The following PSTPIP1 variants were observed in gnomAD, a reference collection of about 807,000 sequenced individuals.
The protein encoded by PSTPIP1 is proline-serine-threonine phosphatase-interacting protein 1.
PSTPIP1 carries 66 observed loss-of-function variants against 69.6 expected under a neutral mutation model. The ratio of observed to expected loss-of-function variants is 0.95; its 90% CI spans 0.78 to 1.16. The LOEUF is 1.16. Ranked by LOEUF, PSTPIP1 falls within the 50% of genes most tolerant of loss-of-function variation. PSTPIP1 has a pLI of 0.00. For missense variants in PSTPIP1, 603 were observed against 557.4 expected (o/e 1.08, Z -0.82); for synonymous variants, 266 against 222.7 (o/e 1.19, Z -1.73).
rs2076440871 is a variant in PSTPIP1, at chr15:77,032,377, C to T, written c.821C>T (p.Thr274Met). ...DIDSFIQAKS[T>M]GTEPPAPVPY... ...GACAGTTTCATCCAGGCCAAGAGCA[C>T]GGGCACAGAGCCCCCCGGTGAGGTC... The change falls in exon 11 of 15, where the codon ACG becomes ATG. Residue 274 changes from threonine to methionine, a missense_variant. By Grantham distance (81) the Thr-to-Met change is moderately conservative. Coordinates refer to ENST00000558012, the MANE Select transcript of PSTPIP1 (RefSeq NM_003978.5). 6.2e-6 allele frequency: 10 copies of T among 1,612,664 alleles called. No homozygotes were observed. The highest frequency in any genetic ancestry group is 2.2e-5 in the East Asian group (1 of 44,886).
chr15:77,033,977 A>C (rs1389340093), intron 12 of PSTPIP1, among the ~76,000 whole-genome samples: 1 of 152,150 alleles, frequency 6.6e-6, no homozygotes, highest in African/African-American at 2.4e-5. Context: ...GCAACTGGAC[A>C]AAAGAGCTCA....
At chr15:77,029,473 G>C in intron 7 of PSTPIP1, 56 bp from the exon 8 acceptor site, 1 of 1,546,852 alleles carries the variant, frequency 6.5e-7, no homozygotes. Flanking sequence ...GTCTGCTGGG[G>C]TGGGCCCTGG....
At chr15:77,023,803 T>TG (rs2076213509) in intron 3 of PSTPIP1, 1 of 152,120 alleles carries the variant, frequency 6.6e-6, no homozygotes, top group African/African-American at 2.4e-5. Context: ...AGGGCTGGGT[T>TG]GGGGGTGCGG....
At position 77,028,603 on chromosome 15, in the gene PSTPIP1, A is replaced by G; in HGVS notation, c.467A>G (p.Gln156Arg). The G allele has an allele frequency of 6.2e-7, 1 of 1,600,634 alleles. No homozygotes were observed. Among genetic ancestry groups the G allele is most frequent in the East Asian group, 2.3e-5 (1 of 44,076 alleles). Residue 156 changes from glutamine to arginine, a missense_variant, in exon 7 of 15, where the codon CAG becomes CGG. Transcript: ENST00000558012. ...QKCRDADDAE[Q>R]AFERISANGH... ...TGCCGGGACGCGGACGACGCGGAGC[A>G]GGCCTTCGAGCGCATTAGCGCCAAC...
intron 1 of PSTPIP1, among the ~76,000 whole-genome samples, chr15:77,000,459 A>ATATATATATATAT (rs67775313): frequency 3.9e-3 from 92 of 23,620 alleles, no homozygotes; most frequent in African/African-American, 9.3e-3. Context: ...ATTTAAAGAG[A>ATATATATATATAT]GATATATATA....
Position 77,035,733 on chromosome 15 carries a change from A to G in PSTPIP1, c.986-69A>G, listed in dbSNP as rs574731012. 3.7e-5 allele frequency: 57 copies of G among 1,533,174 alleles called. No homozygotes were observed. In the African/African-American group the frequency reaches 7.1e-4, roughly 19 times the overall value. 95.0% of individuals were successfully genotyped at this position (1,533,174 alleles called of 1,614,324 possible). ...GCAGGGCCCAGCATGGAGAAACCCC[A>G]TTCTAGTAGGACTTCCAGGGGCCAG... On this transcript the variant is annotated intron_variant, in intron 13 of 14. Transcript: ENST00000558012.
In PSTPIP1 at chr15:77,018,186, G is replaced by T; in HGVS notation, c.75G>T (p.Leu25=). 1 of 1,590,364 alleles carries T rather than the reference G, an allele frequency of 6.3e-7. No individual in the cohort carries two copies. ...DFTAHTGYEV[L]LQRLLDGRKM... ...CAGCCCACACGGGCTACGAGGTGCT[G>T]CTGCAGCGGCTTCTGGATGGCAGGA... The change falls in exon 2 of 15, where the codon CTG becomes CTT. Residue 25 remains leucine (L), a synonymous_variant. Coordinates refer to ENST00000558012, the MANE Select transcript of PSTPIP1 (RefSeq NM_003978.5).
intron 6 of PSTPIP1, 92 bp from the exon 7 acceptor site, chr15:77,028,462 G>A: frequency 8.7e-7 from 1 of 1,155,984 alleles, no homozygotes; most frequent in East Asian, 2.7e-5. Flanking sequence ...CCTCGCCAGG[G>A]AAAAAGGGAG....
chr15:77,020,870 G>C (rs77511922), intron 3 of PSTPIP1, among the ~76,000 whole-genome samples: 15 of 15,160 alleles, frequency 9.9e-4, no homozygotes, highest in Admixed American at 4.6e-3. Flanking sequence ...GACTCCTGTG[G>C]GGGGGGGGGG....
chr15:77,002,100 C>T (rs1366977062), intron 1 of PSTPIP1, among the ~76,000 whole-genome samples: 3 of 152,254 alleles, frequency 2.0e-5, no homozygotes, highest in Non-Finnish European at 2.9e-5. Context: ...TTGCTGAGTG[C>T]CTGTTCCATG....
At chr15:77,000,991 A>G (rs2152664375) in intron 1 of PSTPIP1, among the ~76,000 whole-genome samples, 1 of 152,046 alleles carries the variant, frequency 6.6e-6, no homozygotes, top group South Asian at 2.1e-4. Context: ...TTTTAGCGTA[A>G]CTCACTCCAT....
At chr15:77,005,376 ACACT>A (rs2075795741) in intron 1 of PSTPIP1, among the ~76,000 whole-genome samples, 1 of 152,206 alleles carries the variant, frequency 6.6e-6, no homozygotes, top group Non-Finnish European at 1.5e-5. Flanking sequence ...ACAAGAGCAA[ACACT>A]CAATATCAAA....
At chr15:77,016,094 G>A (rs1234907510) in intron 1 of PSTPIP1, 1 of 455,964 alleles carries the variant, frequency 2.2e-6, no homozygotes, top group East Asian at 6.9e-5. Context: ...TGGGCTCCAG[G>A]TGGCCTCTCC....
intron 1 of PSTPIP1, among the ~76,000 whole-genome samples, chr15:77,004,804 G>C (rs1401607629): frequency 6.6e-6 from 1 of 151,982 alleles, no homozygotes; most frequent in Non-Finnish European, 1.5e-5. Context: ...AAACTGTAGT[G>C]ACTGTATGAT....
intron 1 of PSTPIP1, 37 bp from the exon 2 acceptor site, chr15:77,018,111 T>G: frequency 6.5e-7 from 1 of 1,548,666 alleles, no homozygotes; most frequent in Non-Finnish European, 8.7e-7. Flanking sequence ...TGTCGCCTGG[T>G]CGTGGCCCTC....
In PSTPIP1 at chr15:76,995,182, G is replaced by A. The variant is rs1268334586; in HGVS notation, c.-392G>A. ...CCTGCCTGCCTGCCTGGCCCGGCCCGAGCTCCAGCCTGCCTCTTCCACTGG... is the reference window on the plus strand; with the variant it reads ...CCTGCCTGCCTGCCTGGCCCGGCCCAAGCTCCAGCCTGCCTCTTCCACTGG... On this transcript the variant is annotated 5_prime_UTR_variant, in exon 1 of 15. Transcript: ENST00000558012. 7.2e-6 allele frequency: 7 copies of A among 974,234 alleles called. No individual in the cohort carries two copies. The highest frequency in any genetic ancestry group is 6.6e-5 in the African/African-American group (4 of 60,700). The allele number at this position is 974,234 out of a possible 1,614,324, so 60.3% of individuals were successfully genotyped here.
In PSTPIP1 at chr15:77,032,311, T is replaced by A; in HGVS notation, c.755T>A (p.Val252Glu). 7 of 1,612,516 alleles carry A rather than the reference T, an allele frequency of 4.3e-6. No homozygotes were observed. The highest frequency in any genetic ancestry group is 5.1e-6 in the Non-Finnish European group (6 of 1,179,698). Residue 252 changes from valine to glutamate, a missense_variant, in exon 11 of 15, where the codon GTG becomes GAG. Transcript: ENST00000558012. ...CVKDDELYEE[V>E]RLTLEGCSID... ...TTCCTGCCCCAGCTCTACGAGGAAGTGCGGCTGACGCTGGAAGGCTGCAGC... is the reference window on the plus strand; with the variant it reads ...TTCCTGCCCCAGCTCTACGAGGAAGAGCGGCTGACGCTGGAAGGCTGCAGC...
intron 3 of PSTPIP1, among the ~76,000 whole-genome samples, chr15:77,021,285 C>T (rs2076155954): frequency 6.6e-6 from 1 of 152,206 alleles, no homozygotes; most frequent in Admixed American, 6.5e-5. Context: ...CATGTACCTC[C>T]TTCACATGTT....
intron 8 of PSTPIP1, 48 bp from the exon 9 acceptor site, chr15:77,030,454 T>C: frequency 1.9e-6 from 3 of 1,578,142 alleles, no homozygotes; most frequent in Non-Finnish European, 2.6e-6. Flanking sequence ...AGTACAGGGG[T>C]GGAGGAGCTC....
Sources: gnomAD v4.1 joint callset for allele counts (sites outside exome capture counted in the v4.1 genomes callset) on GRCh38, gnomAD v4.1.1 for gene constraint, MANE v1.5 for transcripts, NCBI Gene and HGNC (gene_info 2026-07-23, HGNC 2026-07-21) for gene names.